The following MAGI1 variants were observed in gnomAD, a reference collection of about 807,000 sequenced individuals.
The protein encoded by MAGI1 is membrane associated guanylate kinase, WW and PDZ domain containing 1, also known as membrane-associated guanylate kinase, WW and PDZ domain-containing protein 1.
Under a neutral mutation model 139.9 loss-of-function variants are expected in MAGI1, and 58 were observed. The observed-to-expected ratio is 0.41, with a 90% CI of 0.34 to 0.52. MAGI1 has a LOEUF of 0.52. Among genes scored for constraint, MAGI1 ranks in the 20% least tolerant of loss-of-function variants. The probability of loss-of-function intolerance (pLI) is 0.12; values close to 1 mark genes in which losing one functional copy is unlikely to be tolerated. For missense variants in MAGI1, 1,874 were observed against 1,901.6 expected (o/e 0.99, Z 0.27); for synonymous variants, 812 against 737.9 (o/e 1.10, Z -1.63).
intron 1 of MAGI1, among the ~76,000 whole-genome samples, chr3:65,899,404 T>G (rs1026629502): frequency 6.6e-5 from 10 of 152,326 alleles, no homozygotes; most frequent in African/African-American, 2.4e-4. Flanking sequence ...TTATGACCAT[T>G]CCGCTGAAGA....
At chr3:65,552,571 G>A (rs930342270) in intron 2 of MAGI1, among the ~76,000 whole-genome samples, 1 of 152,074 alleles carries the variant, frequency 6.6e-6, no homozygotes, top group Non-Finnish European at 1.5e-5. Context: ...AAGACTATGG[G>A]TAAATGCAAC....
At chr3:65,829,335 A>G (rs565423630) in intron 1 of MAGI1, among the ~76,000 whole-genome samples, 2 of 152,268 alleles carry the variant, frequency 1.3e-5, no homozygotes, top group Admixed American at 1.3e-4. Flanking sequence ...CAAAATTCCT[A>G]TGTTGGAACC....
chr3:65,488,329 C>T (rs937769698), intron 3 of MAGI1, among the ~76,000 whole-genome samples: 2 of 151,984 alleles, frequency 1.3e-5, no homozygotes, highest in African/African-American at 4.8e-5. Context: ...ACACTCATAA[C>T]TTTTTTTCTT....
chr3:65,728,914 T>A (rs1022312725), intron 1 of MAGI1, among the ~76,000 whole-genome samples: 2 of 152,166 alleles, frequency 1.3e-5, no homozygotes, highest in African/African-American at 4.8e-5. Context: ...AATACTCATA[T>A]GACATCTCCT....
At chr3:65,751,511 G>A (rs1274531433) in intron 1 of MAGI1, among the ~76,000 whole-genome samples, 1 of 152,142 alleles carries the variant, frequency 6.6e-6, no homozygotes, top group Non-Finnish European at 1.5e-5. Context: ...CTGATAAGCC[G>A]CTTTCTAAAA....
intron 9 of MAGI1, 56 bp from the exon 10 acceptor site, chr3:65,437,303 C>T: frequency 9.1e-7 from 1 of 1,095,220 alleles, no homozygotes; most frequent in Non-Finnish European, 1.4e-6. Context: ...CATTGAGTTA[C>T]TTATGATTCA....
At chr3:65,448,723 C>T (rs1368850219) in intron 6 of MAGI1, among the ~76,000 whole-genome samples, 1 of 152,022 alleles carries the variant, frequency 6.6e-6, no homozygotes, top group Non-Finnish European at 1.5e-5. Context: ...CACACACACA[C>T]ACACACTTTC....
In MAGI1 at chr3:65,430,867, TA is replaced by T; in HGVS notation, c.1377del (p.Phe459LeufsTer8). 1 of 1,612,930 alleles carries T rather than the reference TA, an allele frequency of 6.2e-7. No homozygotes were observed. Reference protein sequence around the residue: ...REVPLQGKPFFTRNPSELKGK... With the variant: ...REVPLQGKPFXTRNPSELKGK... ...CCTTTCAACTCAGAAGGGTTTCGTG[TA>T]AAAAAGGGTTTGCCTGGATTAAAAT... On this transcript the variant is annotated frameshift_variant, in exon 11 of 23. Transcript: ENST00000402939. LOFTEE classifies it high-confidence loss of function.
At chr3:65,822,422 G>A (rs561672223) in intron 1 of MAGI1, among the ~76,000 whole-genome samples, 18 of 152,202 alleles carry the variant, frequency 1.2e-4, no homozygotes, top group South Asian at 4.2e-4. Context: ...CAGCTACTCC[G>A]GAGGCTGAGC....
intron 1 of MAGI1, among the ~76,000 whole-genome samples, chr3:65,904,027 A>G (rs1479788073): frequency 6.6e-6 from 1 of 152,124 alleles, no homozygotes; most frequent in Non-Finnish European, 1.5e-5. Context: ...AAAGAAAGAA[A>G]GAAAATCATT....
At chr3:65,576,465 C>A (rs555298222) in intron 2 of MAGI1, among the ~76,000 whole-genome samples, 1 of 152,284 alleles carries the variant, frequency 6.6e-6, no homozygotes, top group Admixed American at 6.5e-5. Context: ...CAGGCTGGAG[C>A]TAATACAAAT....
chr3:65,742,460 C>T (rs187418021), intron 1 of MAGI1, among the ~76,000 whole-genome samples: 1 of 152,282 alleles, frequency 6.6e-6, no homozygotes, highest in Non-Finnish European at 1.5e-5. Flanking sequence ...CTTGGGGCTC[C>T]ACCATGAATG....
chr3:66,018,113 T>TGGGGTG (rs2067753565), intron 1 of MAGI1, among the ~76,000 whole-genome samples: 1 of 57,610 alleles, frequency 1.7e-5, no homozygotes, highest in Admixed American at 2.4e-4. Context: ...GACACTTTGG[T>TGGGGTG]GGGGGGGGGG....
At chr3:65,457,998 T>C (rs1413237324) in intron 5 of MAGI1, among the ~76,000 whole-genome samples, 1 of 152,104 alleles carries the variant, frequency 6.6e-6, no homozygotes, top group Non-Finnish European at 1.5e-5. Flanking sequence ...TCTACCTCCA[T>C]GGGTTCAATT....
At chr3:65,734,445 G>A (rs1337985924) in intron 1 of MAGI1, among the ~76,000 whole-genome samples, 1 of 139,654 alleles carries the variant, frequency 7.2e-6, no homozygotes, top group African/African-American at 2.9e-5. Flanking sequence ...GGGCAACAGA[G>A]TGAGACCCTG....
At chr3:65,473,633 T>C (rs139939589) in intron 4 of MAGI1, among the ~76,000 whole-genome samples, 60 of 123,634 alleles carry the variant, frequency 4.9e-4, no homozygotes, top group African/African-American at 1.8e-3. Flanking sequence ...AGTGTCTACA[T>C]GTTTACAAAA....
chr3:65,774,561 T>G (rs1204380269), intron 1 of MAGI1, among the ~76,000 whole-genome samples: 3 of 152,166 alleles, frequency 2.0e-5, no homozygotes, highest in African/African-American at 7.2e-5. Context: ...TTGGCTTGTG[T>G]CCCCTAAAAA....
intron 1 of MAGI1, among the ~76,000 whole-genome samples, chr3:65,821,808 A>G (rs1454295285): frequency 6.6e-6 from 1 of 152,216 alleles, no homozygotes; most frequent in Non-Finnish European, 1.5e-5. Flanking sequence ...TAAGACAAGC[A>G]GCTAAGATAC....
At chr3:65,705,164 A>G (rs2029960620) in intron 1 of MAGI1, among the ~76,000 whole-genome samples, 1 of 152,142 alleles carries the variant, frequency 6.6e-6, no homozygotes, top group African/African-American at 2.4e-5. Flanking sequence ...ATCAAGGCCT[A>G]TTTGAAGAAA....
Sources: allele counts gnomAD v4.1 joint callset (sites outside exome capture counted in the v4.1 genomes callset), GRCh38; gene constraint gnomAD v4.1.1; transcripts MANE v1.5; gene names NCBI Gene and HGNC (gene_info 2026-07-23, HGNC 2026-07-21).